Variants in VWA8 observed in about 807,000 individuals in gnomAD.
VWA8 encodes von Willebrand factor A domain containing 8.
VWA8 carries 221 observed loss-of-function variants against 241.5 expected under a neutral mutation model. The observed-to-expected ratio is 0.91, with a 90% CI of 0.82 to 1.02. The LOEUF (loss-of-function observed/expected upper bound fraction) is 1.02, where lower values mean the gene tolerates loss of function less well. VWA8 is among the 50% of genes least tolerant of loss of function. VWA8 has a pLI of 0.00. For synonymous variants in VWA8, 852 were observed against 827.1 expected, an observed-to-expected ratio of 1.03 and a Z score of -0.52; for missense variants, 2,322 against 2,328.7, an observed-to-expected ratio of 1.00 and a Z score of 0.06.
In VWA8 at chr13:41,784,697, CATATATATAT is replaced by C. The variant is rs59582293; in HGVS notation, c.2171-806_2171-797del. On this transcript the variant is annotated intron_variant, in intron 18 of 44. Transcript: ENST00000379310. ...CTCTCTCTTTATACATATACATATA[CATATATATAT>C]ATATATATATATATATATATATACA... 9.5e-4 allele frequency among the ~76,000 whole-genome samples: 54 copies of C among 57,030 alleles called. 2 individuals are homozygous for C. The South Asian group carries it at 0.025, about 26-fold the overall frequency. 37.4% of individuals were successfully genotyped at this position (57,030 alleles called of 152,430 possible).
At chr13:41,669,027 G>T (rs1040223373) in intron 37 of VWA8, among the ~76,000 whole-genome samples, 3 of 152,002 alleles carry the variant, frequency 2.0e-5, no homozygotes, top group African/African-American at 4.8e-5. Context: ...GGGGGGCAGT[G>T]GCTCGATCTC....
At chr13:41,589,496 G>A (rs1006219817) in intron 41 of VWA8, among the ~76,000 whole-genome samples, 6 of 152,136 alleles carry the variant, frequency 3.9e-5, no homozygotes, top group Non-Finnish European at 1.5e-5. Flanking sequence ...GACAATCCGT[G>A]TTGGAGCTCA....
intron 2 of VWA8, among the ~76,000 whole-genome samples, chr13:41,937,511 G>A (rs1339600035): frequency 1.3e-5 from 2 of 152,198 alleles, no homozygotes; most frequent in African/African-American, 4.8e-5. Context: ...TGATCTGACA[G>A]GAGGCGGATC....
At chr13:41,842,363 C>G (rs991669503) in intron 12 of VWA8, among the ~76,000 whole-genome samples, 4 of 152,176 alleles carry the variant, frequency 2.6e-5, no homozygotes, top group African/African-American at 9.6e-5. Flanking sequence ...TCAAGTTCCT[C>G]TTTTAAAGAA....
intron 20 of VWA8, among the ~76,000 whole-genome samples, chr13:41,776,090 G>C (rs1868579371): frequency 6.6e-6 from 1 of 152,244 alleles, no homozygotes; most frequent in Admixed American, 6.5e-5. Flanking sequence ...TTGACCTCTA[G>C]GGATCTTCCT....
chr13:41,784,737 C>CACACATATATAT (rs1191810226), intron 18 of VWA8, among the ~76,000 whole-genome samples: 14 of 72,564 alleles, frequency 1.9e-4, no homozygotes, highest in South Asian at 5.7e-4. Context: ...TATACACACA[C>CACACATATATAT]ATATATATAT....
intron 1 of VWA8, 30 bp from the exon 2 acceptor site, chr13:41,950,043 T>C: frequency 7.3e-7 from 1 of 1,365,114 alleles, no homozygotes; most frequent in African/African-American, 1.5e-5. Flanking sequence ...ACAGAATAAT[T>C]ATAAGAGACA....
chr13:41,701,016 G>C (rs2045245761), intron 28 of VWA8, among the ~76,000 whole-genome samples: 1 of 152,154 alleles, frequency 6.6e-6, no homozygotes, highest in Non-Finnish European at 1.5e-5. Context: ...TTTAATGACT[G>C]CAAATCACTC....
chr13:41,954,115 C>T (rs1878255551), intron 1 of VWA8, among the ~76,000 whole-genome samples: 1 of 152,028 alleles, frequency 6.6e-6, no homozygotes, highest in Admixed American at 6.5e-5. Context: ...TGGCCATCTT[C>T]TGTTACTACA....
intron 2 of VWA8, among the ~76,000 whole-genome samples, chr13:41,916,158 G>C (rs981569120): frequency 6.6e-6 from 1 of 152,144 alleles, no homozygotes; most frequent in African/African-American, 2.4e-5. Flanking sequence ...ATTATATTAA[G>C]CACTTAGAAC....
chr13:41,589,478 T>G (rs920838342), intron 41 of VWA8, among the ~76,000 whole-genome samples: 1 of 152,164 alleles, frequency 6.6e-6, no homozygotes, highest in African/African-American at 2.4e-5. Context: ...TGGGAGTTGA[T>G]CTGTGTGGAC....
At chr13:41,935,221 T>C (rs1458457024) in intron 2 of VWA8, among the ~76,000 whole-genome samples, 1 of 152,144 alleles carries the variant, frequency 6.6e-6, no homozygotes, top group Non-Finnish European at 1.5e-5. Context: ...AAGTTCAACT[T>C]GCAGCTCAGC....
chr13:41,576,500 CAG>C (rs920550935), intron 42 of VWA8, among the ~76,000 whole-genome samples: 10 of 152,094 alleles, frequency 6.6e-5, no homozygotes, highest in Non-Finnish European at 1.0e-4. Flanking sequence ...TGGAAAGAAA[CAG>C]AAAAAATTTG....
At chr13:41,781,478 T>C (rs1292952914) in intron 19 of VWA8, among the ~76,000 whole-genome samples, 1 of 152,176 alleles carries the variant, frequency 6.6e-6, no homozygotes, top group Non-Finnish European at 1.5e-5. Context: ...CACCACACTG[T>C]GTAGTAACTA....
At chr13:41,735,383 AT>A (rs1168107325) in intron 21 of VWA8, among the ~76,000 whole-genome samples, 1 of 152,238 alleles carries the variant, frequency 6.6e-6, no homozygotes, top group East Asian at 1.9e-4. Context: ...TCGAATTCTG[AT>A]AGCATACAAC....
intron 21 of VWA8, among the ~76,000 whole-genome samples, chr13:41,751,099 C>G (rs924413720): frequency 1.3e-5 from 2 of 151,790 alleles, no homozygotes; most frequent in Non-Finnish European, 2.9e-5. Context: ...CAGCTTAGAA[C>G]AGTGCCTGGC....
chr13:41,944,773 T>G (rs549634076), intron 2 of VWA8, among the ~76,000 whole-genome samples: 1 of 152,328 alleles, frequency 6.6e-6, no homozygotes, highest in South Asian at 2.1e-4. Flanking sequence ...TTTGTCTTTA[T>G]TTGATGTACT....
intron 38 of VWA8, 41 bp from the exon 39 acceptor site, chr13:41,611,773 T>G (rs2044590791): frequency 1.9e-6 from 3 of 1,610,026 alleles, no homozygotes; most frequent in Non-Finnish European, 2.5e-6. Flanking sequence ...AAATCTGAAC[T>G]TGACCACAGA....
intron 1 of VWA8, among the ~76,000 whole-genome samples, chr13:41,951,960 A>C (rs920979788): frequency 6.6e-6 from 1 of 152,232 alleles, no homozygotes; most frequent in Non-Finnish European, 1.5e-5. Flanking sequence ...GCTAGGTCCA[A>C]AACTGGCAGC....
Sources: allele counts gnomAD v4.1 joint callset (sites outside exome capture counted in the v4.1 genomes callset), GRCh38; gene constraint gnomAD v4.1.1; transcripts MANE v1.5; gene names NCBI Gene and HGNC (gene_info 2026-07-23, HGNC 2026-07-21).